The following NRG1 variants were observed in gnomAD, a reference collection of about 807,000 sequenced individuals.
NRG1 encodes neuregulin 1, also known as pro-neuregulin-1, membrane-bound isoform.
NRG1 carries 18 observed loss-of-function variants against 63.8 expected under a neutral mutation model. That is an observed-to-expected ratio of 0.28 (90% confidence interval 0.19 to 0.42). The LOEUF (loss-of-function observed/expected upper bound fraction) is 0.42. Ranked by LOEUF, NRG1 falls within the 10% of genes least tolerant of loss-of-function variation. NRG1 has a pLI of 1.00. For missense variants in NRG1, 762 were observed against 814.7 expected, an observed-to-expected ratio of 0.94 and a Z score of 0.79; for synonymous variants, 302 against 301.3, an observed-to-expected ratio of 1.00 and a Z score of -0.02.
At chr8:31,981,927 G>T (rs1173233537) in intron 1 of NRG1, among the ~76,000 whole-genome samples, 1 of 151,978 alleles carries the variant, frequency 6.6e-6, no homozygotes, top group Admixed American at 6.6e-5. Flanking sequence ...TTTAAATAAT[G>T]TACAGGAGTC....
chr8:31,921,457 T>C (rs1833908478), intron 1 of NRG1, among the ~76,000 whole-genome samples: 1 of 129,294 alleles, frequency 7.7e-6, no homozygotes, highest in East Asian at 2.5e-4. Flanking sequence ...TCACAATCTA[T>C]TTACACACAT....
chr8:32,743,123 G>A, intron 7 of NRG1: 1 of 1,002,882 alleles, frequency 1.0e-6, no homozygotes, highest in Non-Finnish European at 1.2e-6. Context: ...ACCACATCCT[G>A]AAAAGGGTGT....
At chr8:31,668,293 C>T (rs2130980285) in intron 1 of NRG1, among the ~76,000 whole-genome samples, 1 of 152,284 alleles carries the variant, frequency 6.6e-6, no homozygotes, top group Admixed American at 6.5e-5. Context: ...TATGTCTGCT[C>T]AGTGGCTGAA....
chr8:31,969,637 C>G (rs1258177433), intron 1 of NRG1, among the ~76,000 whole-genome samples: 1 of 152,162 alleles, frequency 6.6e-6, no homozygotes, highest in African/African-American at 2.4e-5. Flanking sequence ...TGGCTGCTAC[C>G]TAGATGCATG....
intron 5 of NRG1, among the ~76,000 whole-genome samples, chr8:32,683,792 G>T (rs1809331474): frequency 6.6e-6 from 1 of 150,890 alleles, no homozygotes; most frequent in African/African-American, 2.4e-5. Flanking sequence ...TTCGGATATT[G>T]TCATTGTCTC....
chr8:31,685,738 A>G (rs1808817930), intron 1 of NRG1, among the ~76,000 whole-genome samples: 1 of 152,182 alleles, frequency 6.6e-6, no homozygotes, highest in African/African-American at 2.4e-5. Flanking sequence ...TGGAGATTAC[A>G]TAGAAATGGA....
intron 1 of NRG1, among the ~76,000 whole-genome samples, chr8:32,370,032 A>C (rs1332037256): frequency 6.6e-6 from 1 of 152,192 alleles, no homozygotes; most frequent in Non-Finnish European, 1.5e-5. Context: ...GTTCAGAGAA[A>C]AGAAAAAAAA....
intron 1 of NRG1, among the ~76,000 whole-genome samples, chr8:32,157,068 G>A (rs1838173877): frequency 6.6e-6 from 1 of 151,548 alleles, no homozygotes; most frequent in African/African-American, 2.4e-5. Flanking sequence ...GTGTGTGTGT[G>A]TGTGTGTGTG....
intron 1 of NRG1, among the ~76,000 whole-genome samples, chr8:32,159,554 A>AAG (rs1483554674): frequency 6.6e-6 from 1 of 151,760 alleles, no homozygotes; most frequent in African/African-American, 2.4e-5. Context: ...AAAAAAAAAA[A>AAG]AAAAGAAAAA....
chr8:32,575,117 T>A (rs942492814), intron 1 of NRG1, among the ~76,000 whole-genome samples: 1 of 152,184 alleles, frequency 6.6e-6, no homozygotes, highest in Non-Finnish European at 1.5e-5. Flanking sequence ...TTCTTCTAAC[T>A]CCAGCTTCAG....
chr8:32,560,531 G>A (rs1206673299), intron 1 of NRG1, among the ~76,000 whole-genome samples: 5 of 152,194 alleles, frequency 3.3e-5, no homozygotes, highest in Non-Finnish European at 7.4e-5. Flanking sequence ...AAGACATTGA[G>A]TTGTAGGAGT....
At chr8:31,815,583 C>T (rs1369105571) in intron 1 of NRG1, among the ~76,000 whole-genome samples, 1 of 152,150 alleles carries the variant, frequency 6.6e-6, no homozygotes, top group East Asian at 1.9e-4. Context: ...TGAGTCCCTG[C>T]TTTCGGTTCT....
rs188368755 is a variant in NRG1, at chr8:31,812,036, T to A, written c.37+172605T>A. On this transcript the variant is annotated intron_variant, in intron 1 of 10. Coordinates refer to the NRG1 transcript ENST00000519301. ...CCTAGATAGAAATAGAATATGTGGGTGCTCAGAGTATCAGATAGACCCCAT... is the reference window on the plus strand; with the variant it reads ...CCTAGATAGAAATAGAATATGTGGGAGCTCAGAGTATCAGATAGACCCCAT... Among the ~76,000 whole-genome samples the A allele has an allele frequency of 3.3e-4, 50 of 152,278 alleles. No individual in the cohort carries two copies. The South Asian group carries it at 6.0e-3, about 18-fold the overall frequency.
intron 1 of NRG1, among the ~76,000 whole-genome samples, chr8:31,831,607 C>T (rs1265896123): frequency 3.9e-5 from 6 of 152,162 alleles, no homozygotes; most frequent in Non-Finnish European, 8.8e-5. Flanking sequence ...GAAGAAACAT[C>T]TGGAACTAGT....
At chr8:32,606,698 C>T (rs768834722) in intron 3 of NRG1, among the ~76,000 whole-genome samples, 7 of 152,034 alleles carry the variant, frequency 4.6e-5, no homozygotes, top group Admixed American at 1.3e-4. Flanking sequence ...TTAACTATTG[C>T]CTTTACAAAA....
chr8:32,632,379 G>T (rs545878067), intron 5 of NRG1, among the ~76,000 whole-genome samples: 1 of 151,862 alleles, frequency 6.6e-6, no homozygotes. Flanking sequence ...GAGAAACCCC[G>T]TCTCTACTAC....
intron 1 of NRG1, among the ~76,000 whole-genome samples, chr8:32,552,129 T>C (rs1398276585): frequency 6.6e-6 from 1 of 151,756 alleles, no homozygotes; most frequent in Non-Finnish European, 1.5e-5. Context: ...CAGGATGGTG[T>C]CGATCTCTTG....
chr8:32,279,093 A>G (rs1852418564), intron 1 of NRG1, among the ~76,000 whole-genome samples: 1 of 152,200 alleles, frequency 6.6e-6, no homozygotes, highest in African/African-American at 2.4e-5. Flanking sequence ...ATACGCAGCC[A>G]GCAATACTAG....
intron 1 of NRG1, among the ~76,000 whole-genome samples, chr8:32,285,625 G>A (rs1853430182): frequency 6.6e-6 from 1 of 152,134 alleles, no homozygotes; most frequent in African/African-American, 2.4e-5. Flanking sequence ...AATTAATATG[G>A]TATTTTTAGT....
Sources: allele counts gnomAD v4.1 joint callset (sites outside exome capture counted in the v4.1 genomes callset), GRCh38; gene constraint gnomAD v4.1.1; transcripts MANE v1.5; gene names NCBI Gene and HGNC (gene_info 2026-07-23, HGNC 2026-07-21).